Variants in NAA11 observed in about 807,000 individuals in gnomAD.
NAA11 encodes the protein N-alpha-acetyltransferase 11.
A neutral mutation model predicts 16.1 loss-of-function variants in NAA11; 15 were observed. That is an observed-to-expected ratio of 0.93 (90% CI 0.62 to 1.44). The LOEUF is 1.44. Ranked by LOEUF, NAA11 falls within the 40% of genes most tolerant of loss-of-function variation. The pLI, the probability that NAA11 is intolerant of heterozygous loss-of-function variation, is 0.00. For synonymous variants in NAA11, 122 were observed against 112.4 expected, an observed-to-expected ratio of 1.09 and a Z score of -0.54; for missense variants, 298 against 291.3, an observed-to-expected ratio of 1.02 and a Z score of -0.17.
the NAA11 span, among the ~76,000 whole-genome samples, chr4:79,171,610 C>T: frequency 6.6e-6 from 1 of 152,228 alleles, no homozygotes; most frequent in East Asian, 1.9e-4. Flanking sequence ...GCTGAAGCAT[C>T]TCATATGGAT....
chr4:79,251,905 T>G (rs1423165074), intron 2 of NAA11, among the ~76,000 whole-genome samples: 1 of 152,228 alleles, frequency 6.6e-6, no homozygotes, highest in Non-Finnish European at 1.5e-5. Context: ...GTATGTTTAC[T>G]GCACTATTCA....
the NAA11 span, among the ~76,000 whole-genome samples, chr4:79,177,740 A>T: frequency 6.6e-6 from 1 of 152,138 alleles, no homozygotes; most frequent in African/African-American, 2.4e-5. Context: ...CTGGCAGTAA[A>T]TTGTTCCTTT....
At chr4:79,226,877 C>T (rs527549703) in intron 2 of NAA11, among the ~76,000 whole-genome samples, 6 of 151,982 alleles carry the variant, frequency 3.9e-5, no homozygotes, top group Admixed American at 6.6e-5. Flanking sequence ...TGAGTATTGC[C>T]GCAGTAAACA....
chr4:79,180,334 G>C, the NAA11 span, among the ~76,000 whole-genome samples: 1 of 152,126 alleles, frequency 6.6e-6, no homozygotes, highest in Admixed American at 6.5e-5. Flanking sequence ...TTCTCTAAAA[G>C]TGAAAAATAT....
downstream of NAA11, among the ~76,000 whole-genome samples, chr4:79,314,641 TAAAAAAAAAAAAAAAAA>T (rs375245497): frequency 1.0e-5 from 1 of 98,048 alleles, no homozygotes; most frequent in African/African-American, 4.1e-5. Context: ...TCCTTAAAAT[TAAAAAAAAAAAAAAAAA>T]AAAAAAGACT....
chr4:79,283,401 G>A (rs1458082484), intron 2 of NAA11, among the ~76,000 whole-genome samples: 1 of 152,024 alleles, frequency 6.6e-6, no homozygotes, highest in African/African-American at 2.4e-5. Context: ...AAGTGGTGGA[G>A]TGTACAGGGG....
intron 2 of NAA11, among the ~76,000 whole-genome samples, chr4:79,278,519 C>A (rs1722718228): frequency 6.6e-6 from 1 of 152,142 alleles, no homozygotes; most frequent in African/African-American, 2.4e-5. Context: ...ATGACTTGTT[C>A]ATATTTCTTT....
At chr4:79,189,145 C>CAAAAAAAAAAAAAAAACAAA in the NAA11 span, among the ~76,000 whole-genome samples, 1 of 42,298 alleles carries the variant, frequency 2.4e-5, no homozygotes, top group East Asian at 1.2e-3. Flanking sequence ...GACTCCATCT[C>CAAAAAAAAAAAAAAAACAAA]AAAAAAAAAA....
the NAA11 span, among the ~76,000 whole-genome samples, chr4:79,204,808 C>T: frequency 6.6e-6 from 1 of 151,716 alleles, no homozygotes; most frequent in Non-Finnish European, 1.5e-5. Context: ...AAAGAACATG[C>T]AGTATTTGAT....
chr4:79,276,431 C>T lies in NAA11; in HGVS notation c.*122+17574G>A, dbSNP rs528441963. ...TCTCTCTCTGCTATATCCCGAAGTT[C>T]GCCACCCTGCAGGTCAGCCCGTGAG... is the stretch of plus-strand genomic sequence containing the variant. On this transcript the variant is annotated intron_variant and NMD_transcript_variant, in intron 2 of 2. Coordinates refer to the NAA11 transcript ENST00000511542. Among the ~76,000 whole-genome samples the T allele has an allele frequency of 5.9e-5, 9 of 152,220 alleles. No individual in the cohort carries two copies. The South Asian group carries it at 1.9e-3, about 32-fold the overall frequency.
intron 2 of NAA11, among the ~76,000 whole-genome samples, chr4:79,232,344 T>C (rs6837621): frequency 0.71 from 107,806 of 151,392 alleles, 40,547 homozygotes; most frequent in East Asian, 0.89. Flanking sequence ...TGTTCCCTTT[T>C]CCACAACTCT....
intron 1 of NAA11, among the ~76,000 whole-genome samples, chr4:79,307,753 T>A (rs890730871): frequency 5.9e-5 from 9 of 152,198 alleles, no homozygotes; most frequent in African/African-American, 1.7e-4. Context: ...TATCCTTTGA[T>A]AAGAACAATT....
chr4:79,313,977 G>T (rs1723856739), downstream of NAA11, among the ~76,000 whole-genome samples: 1 of 152,082 alleles, frequency 6.6e-6, no homozygotes, highest in Non-Finnish European at 1.5e-5. Flanking sequence ...TGTGATTTGT[G>T]AATGTTCTCA....
At chr4:79,160,192 A>T in the NAA11 span, among the ~76,000 whole-genome samples, 4 of 152,080 alleles carry the variant, frequency 2.6e-5, no homozygotes, top group Non-Finnish European at 5.9e-5. Context: ...GGGTTTCACC[A>T]CATTGGCCAG....
chr4:79,200,542 A>C, the NAA11 span, among the ~76,000 whole-genome samples: 1 of 151,774 alleles, frequency 6.6e-6, no homozygotes, highest in African/African-American at 2.4e-5. Flanking sequence ...AAGAAGTGAT[A>C]TTTGAGATCT....
At chr4:79,210,429 G>A in the NAA11 span, among the ~76,000 whole-genome samples, 1 of 152,090 alleles carries the variant, frequency 6.6e-6, no homozygotes, top group Non-Finnish European at 1.5e-5. Flanking sequence ...TGGTTTTCCT[G>A]TTGTCCCAGA....
the NAA11 span, among the ~76,000 whole-genome samples, chr4:79,192,511 G>C: frequency 6.6e-6 from 1 of 151,230 alleles, no homozygotes; most frequent in Non-Finnish European, 1.5e-5. Context: ...AGTTTGCTGA[G>C]AATGATGGTT....
At chr4:79,286,184 C>T (rs767952934) in intron 2 of NAA11, among the ~76,000 whole-genome samples, 1 of 151,896 alleles carries the variant, frequency 6.6e-6, no homozygotes, top group Non-Finnish European at 1.5e-5. Flanking sequence ...TTCTACGAAC[C>T]CACAATGGCT....
At chr4:79,202,848 C>T in the NAA11 span, among the ~76,000 whole-genome samples, 2 of 150,446 alleles carry the variant, frequency 1.3e-5, no homozygotes, top group South Asian at 4.2e-4. Flanking sequence ...TTGGTATGCT[C>T]TTTAATGTAG....
Sources: gnomAD v4.1 joint callset for allele counts (sites outside exome capture counted in the v4.1 genomes callset) on GRCh38, gnomAD v4.1.1 for gene constraint, MANE v1.5 for transcripts, NCBI Gene and HGNC (gene_info 2026-07-23, HGNC 2026-07-21) for gene names.